The following R3HDM2 variants were observed in gnomAD, a reference collection of about 807,000 sequenced individuals.
R3HDM2 encodes R3H domain-containing protein 2.
In R3HDM2, 38 loss-of-function variants were observed where a neutral mutation model predicts 124.5. The ratio of observed to expected loss-of-function variants is 0.31; its 90% CI spans 0.24 to 0.40. R3HDM2 has a LOEUF of 0.40. R3HDM2 is among the 10% of genes least tolerant of loss of function. The probability of loss-of-function intolerance (pLI) is 1.00; values close to 1 mark genes in which losing one functional copy is unlikely to be tolerated. For missense variants in R3HDM2, 869 were observed against 1,236.9 expected, an observed-to-expected ratio of 0.70 and a Z score of 4.46; for synonymous variants, 391 against 448.0, an observed-to-expected ratio of 0.87 and a Z score of 1.61.
intron 1 of R3HDM2, among the ~76,000 whole-genome samples, chr12:57,427,496 T>G (rs1868256408): frequency 6.7e-6 from 1 of 150,278 alleles, no homozygotes; most frequent in African/African-American, 2.4e-5. Context: ...ACTACAGGCG[T>G]GTACCACCAC....
intron 2 of R3HDM2, among the ~76,000 whole-genome samples, chr12:57,355,642 T>C (rs1463103724): frequency 6.6e-6 from 1 of 152,196 alleles, no homozygotes; most frequent in African/African-American, 2.4e-5. Flanking sequence ...CTTCCAACTT[T>C]AATCTTCATT....
intron 2 of R3HDM2, among the ~76,000 whole-genome samples, chr12:57,381,276 G>A (rs368591205): frequency 3.3e-5 from 5 of 151,852 alleles, no homozygotes; most frequent in Middle Eastern, 6.8e-3. Context: ...AAATGAGGCC[G>A]GGCACGGTGG....
At position 57,270,499 on chromosome 12, in the gene R3HDM2, G is replaced by A. The variant is rs890764524; in HGVS notation, c.1345-505C>T. Reference sequence around the variant, plus strand: ...GGCTGTAGTGCAATGGTGCAGTCTCGGCTCACTGCAACCTCTGCCACCCAG... The same window carrying A: ...GGCTGTAGTGCAATGGTGCAGTCTCAGCTCACTGCAACCTCTGCCACCCAG... On this transcript the variant is annotated intron_variant, in intron 14 of 23. Coordinates refer to ENST00000402412, the MANE Select transcript of R3HDM2 (RefSeq NM_001394031.1). Among the ~76,000 whole-genome samples the A allele has an allele frequency of 1.5e-4, 23 of 150,060 alleles. No individual in the cohort carries two copies. The East Asian group carries it at 2.3e-3, about 15-fold the overall frequency.
chr12:57,348,714 A>G (rs1566281451), intron 2 of R3HDM2, among the ~76,000 whole-genome samples: 2 of 94,876 alleles, frequency 2.1e-5, no homozygotes, highest in South Asian at 4.1e-4. Context: ...AAAAAAAAAA[A>G]AAAAAAAGAG....
At chr12:57,322,859 C>T (rs941727867) in intron 2 of R3HDM2, among the ~76,000 whole-genome samples, 5 of 151,968 alleles carry the variant, frequency 3.3e-5, no homozygotes, top group East Asian at 1.9e-4. Context: ...TGTGGAGTGT[C>T]GGATGGGAAG....
intron 16 of R3HDM2, 89 bp from the exon 17 acceptor site, chr12:57,269,171 CT>C: frequency 3.2e-6 from 5 of 1,560,550 alleles, no homozygotes; most frequent in Non-Finnish European, 3.5e-6. Flanking sequence ...TCTATTTTAT[CT>C]TTCTTTTTCT....
At position 57,296,635 on chromosome 12, in the gene R3HDM2, A is replaced by G. The variant is rs1167434918; in HGVS notation, c.561-84T>C. The G allele has an allele frequency of 4.4e-6, 6 of 1,374,614 alleles. No individual in the cohort carries two copies. Among genetic ancestry groups the G allele is most frequent in the East Asian group, 2.5e-5 (1 of 39,874 alleles). The allele number at this position is 1,374,614 out of a possible 1,614,324, so 85.2% of individuals were successfully genotyped here. A position where few individuals can be genotyped will look rare whatever the true frequency, so the allele number is the denominator to read the frequency against. On this transcript the variant is annotated intron_variant, in intron 8 of 23. Coordinates refer to ENST00000402412, the MANE Select transcript of R3HDM2 (RefSeq NM_001394031.1). The surrounding 1 kb of genome is among the most constrained non-coding windows in gnomAD (Gnocchi z 4.5). ...ATTTTAATTTTTCTTACAAGTGTCTAAAGTGGAAAGTTTCTTAGGAGAAAT... is the reference window on the plus strand; with the variant it reads ...ATTTTAATTTTTCTTACAAGTGTCTGAAGTGGAAAGTTTCTTAGGAGAAAT...
rs865863968 is a variant in R3HDM2 at position 57,256,446 on chromosome 12, G to A, written c.2515C>T (p.Leu839Phe). 6.3e-7 allele frequency: 1 copy of A among 1,598,518 alleles called. No homozygotes were observed. Among genetic ancestry groups the A allele is most frequent in the Non-Finnish European group, 8.5e-7 (1 of 1,172,196 alleles). The change falls in exon 22 of 24, where the codon CTC (leucine) becomes TTC (phenylalanine). Residue 839 changes from leucine (L) to phenylalanine (F), a missense_variant. Coordinates refer to ENST00000402412, the MANE Select transcript of R3HDM2 (RefSeq NM_001394031.1). The part of the protein sequence containing the change: ...QYNLSICPPL[L>F]HGQSTYTVHQ... ...ACCGTGTAAGTTGACTGGCCATGGAGCAAGGGAGGGCAGATGGACAGATTG... is the reference window on the plus strand; with the variant it reads ...ACCGTGTAAGTTGACTGGCCATGGAACAAGGGAGGGCAGATGGACAGATTG...
intron 19 of R3HDM2, among the ~76,000 whole-genome samples, chr12:57,261,390 G>A (rs1028012163): frequency 9.9e-5 from 15 of 152,206 alleles, no homozygotes; most frequent in African/African-American, 3.6e-4. Flanking sequence ...CCTGGGCCAG[G>A]AAAGGTGGAG....
intron 4 of R3HDM2, among the ~76,000 whole-genome samples, chr12:57,302,877 G>T (rs907360410): frequency 6.6e-6 from 1 of 152,078 alleles, no homozygotes; most frequent in African/African-American, 2.4e-5. Context: ...AGAGAAACTG[G>T]TATTTCAGCA....
chr12:57,354,171 AT>A (rs550827910), intron 2 of R3HDM2, among the ~76,000 whole-genome samples: 20 of 145,450 alleles, frequency 1.4e-4, no homozygotes, highest in African/African-American at 2.0e-4. Context: ...GCCTGGTCTA[AT>A]TTTTTTTTTT....
chr12:57,276,208 T>TAAAAAAAA, intron 14 of R3HDM2, among the ~76,000 whole-genome samples: 1 of 105,358 alleles, frequency 9.5e-6, no homozygotes, highest in Non-Finnish European at 1.9e-5. Flanking sequence ...AGACTCCATC[T>TAAAAAAAA]AAAAAAAAAA....
At chr12:57,363,786 T>G (rs1346212695) in intron 2 of R3HDM2, among the ~76,000 whole-genome samples, 4 of 151,962 alleles carry the variant, frequency 2.6e-5, no homozygotes, top group Non-Finnish European at 4.4e-5. Context: ...GTTGGAGGAC[T>G]GTCAGAGCCT....
chr12:57,326,494 T>A (rs1367465809), intron 2 of R3HDM2, among the ~76,000 whole-genome samples: 1 of 152,096 alleles, frequency 6.6e-6, no homozygotes, highest in Non-Finnish European at 1.5e-5. Context: ...CTGAGAAAGG[T>A]GAGGAAGCTG....
chr12:57,314,763 T>G (rs1192904738), intron 2 of R3HDM2, among the ~76,000 whole-genome samples: 1 of 150,836 alleles, frequency 6.6e-6, no homozygotes, highest in African/African-American at 2.5e-5. Flanking sequence ...TTTTATCACA[T>G]GATAGGCCTT....
At chr12:57,297,424 A>AAACC in intron 7 of R3HDM2, 37 bp from the exon 8 acceptor site, 1 of 1,332,496 alleles carries the variant, frequency 7.5e-7, no homozygotes, top group Middle Eastern at 1.8e-4. Context: ...AAAACAAAAC[A>AAACC]AAAAGCAGCC....
At chr12:57,360,254 C>T (rs554833722) in intron 2 of R3HDM2, among the ~76,000 whole-genome samples, 11 of 151,464 alleles carry the variant, frequency 7.3e-5, no homozygotes, top group South Asian at 6.3e-4. Flanking sequence ...TCTCGAACTC[C>T]GGACCTCAGG....
At chr12:57,392,422 T>C (rs1171948782) in intron 2 of R3HDM2, among the ~76,000 whole-genome samples, 1 of 151,928 alleles carries the variant, frequency 6.6e-6, no homozygotes, top group South Asian at 2.1e-4. Flanking sequence ...CACAATAGAG[T>C]TCACACTCCT....
intron 14 of R3HDM2, among the ~76,000 whole-genome samples, chr12:57,273,502 T>A (rs1320061878): frequency 6.6e-6 from 1 of 152,164 alleles, no homozygotes; most frequent in Non-Finnish European, 1.5e-5. Context: ...TTGGTATATA[T>A]TATCTTATTA....
Sources: gnomAD v4.1 joint callset for allele counts (sites outside exome capture counted in the v4.1 genomes callset) on GRCh38, gnomAD v4.1.1 for gene constraint, Gnocchi (gnomAD v3.1) non-coding constraint, MANE v1.5 for transcripts, NCBI Gene and HGNC (gene_info 2026-07-23, HGNC 2026-07-21) for gene names.